The following SLC10A7 variants were observed in gnomAD, a reference collection of about 807,000 sequenced individuals.
SLC10A7 encodes sodium/bile acid cotransporter 7.
A neutral mutation model predicts 43.2 loss-of-function variants in SLC10A7; 29 were observed. The ratio of observed to expected loss-of-function variants is 0.67; its 90% CI spans 0.50 to 0.92. SLC10A7 has a LOEUF of 0.92. Among genes scored for constraint, SLC10A7 ranks in the 40% least tolerant of loss-of-function variants. SLC10A7 has a pLI of 0.00. For synonymous variants in SLC10A7, 152 were observed against 144.8 expected (o/e 1.05, Z -0.35); for missense variants, 295 against 403.2 (o/e 0.73, Z 2.30).
chr4:146,379,490 T>C (rs1737445625), intron 5 of SLC10A7, among the ~76,000 whole-genome samples: 2 of 152,192 alleles, frequency 1.3e-5, no homozygotes, highest in African/African-American at 4.8e-5. Context: ...GTAAGACTAA[T>C]GTATATTCAA....
Position 146,468,834 on chromosome 4 carries a change from A to C in SLC10A7, c.397-26013T>G, listed in dbSNP as rs76522126. 9.2e-4 allele frequency among the ~76,000 whole-genome samples: 140 copies of C among 152,210 alleles called. 4 individuals are homozygous for C. The East Asian group carries it at 0.025, about 27-fold the overall frequency. On this transcript the variant is annotated intron_variant, in intron 4 of 11. Transcript: ENST00000335472. ...TGTGATTTTAAAATAATAACCTGTT[A>C]TGTGGGGGGTACTTCTTTGTTAATA...
intron 5 of SLC10A7, among the ~76,000 whole-genome samples, chr4:146,374,058 G>A (rs954450021): frequency 2.6e-5 from 4 of 152,208 alleles, no homozygotes; most frequent in African/African-American, 9.6e-5. Context: ...GGGCAAACTG[G>A]AGTGCTATTC....
In SLC10A7 at chr4:146,509,915, T is replaced by A; in HGVS notation, c.318A>T (p.Lys106Asn). 3.7e-6 allele frequency: 6 copies of A among 1,612,050 alleles called. No individual in the cohort carries two copies. Among genetic ancestry groups the A allele is most frequent in the Non-Finnish European group, 5.1e-6 (6 of 1,179,384 alleles). The change falls in exon 3 of 12, where the codon AAA becomes AAT. Residue 106 changes from lysine to asparagine, a missense_variant and splice_region_variant. Physicochemically the swap from Lys to Asn is moderately conservative, Grantham distance 94. Coordinates refer to ENST00000335472, the MANE Select transcript of SLC10A7 (RefSeq NM_001029998.6). Reference sequence around the variant, plus strand: ...CACTTTTAAAGATTTAAACATACCCTTTTAAAAGCCATTCGTTGATGGGTG... The same window carrying A: ...CACTTTTAAAGATTTAAACATACCCATTTAAAAGCCATTCGTTGATGGGTG... ...SITPINEWLL[K>N]GLQTVGCMPP...
intron 1 of SLC10A7, among the ~76,000 whole-genome samples, chr4:146,517,464 A>AAAT (rs925100105): frequency 1.4e-3 from 214 of 151,692 alleles, no homozygotes; most frequent in Admixed American, 5.1e-3. Flanking sequence ...CTCTGTCTCA[A>AAAT]AATAATAATA....
chr4:146,502,908 G>C (rs1316553274), intron 4 of SLC10A7, among the ~76,000 whole-genome samples: 1 of 152,156 alleles, frequency 6.6e-6, no homozygotes. Context: ...AGGGACTCAG[G>C]AAACTCTTTG....
Position 146,256,056 on chromosome 4 carries a change from A to G in SLC10A7, c.*435T>C, listed in dbSNP as rs1334721081. ...AGGAAGAGGCATGTCACAGTCGTAG[A>G]AAAAAAGAATCACACAGTAAATCAA... On this transcript the variant is annotated 3_prime_UTR_variant, in exon 12 of 12. Transcript: ENST00000335472. The G allele has an allele frequency of 6.1e-6, 1 of 163,572 alleles. No homozygotes were observed. The highest frequency in any genetic ancestry group is 1.3e-5 in the Non-Finnish European group (1 of 75,778). 10.1% of individuals were successfully genotyped at this position (163,572 alleles called of 1,614,324 possible). A position where few individuals can be genotyped will look rare whatever the true frequency, so the allele number is the denominator to read the frequency against.
intron 10 of SLC10A7, 36 bp downstream of exon 10, chr4:146,283,156 G>A: frequency 6.8e-7 from 1 of 1,479,554 alleles, no homozygotes; most frequent in Non-Finnish European, 9.4e-7. Flanking sequence ...ACTATATGAG[G>A]GTAATAGGTG....
At chr4:146,373,147 C>G (rs2679145) in intron 5 of SLC10A7, among the ~76,000 whole-genome samples, 1,594 of 152,218 alleles carry the variant, frequency 0.01, 22 homozygotes, top group African/African-American at 0.036. Flanking sequence ...AGGCTGATTA[C>G]AAGTACAAAT....
At chr4:146,474,109 C>A (rs1304053569) in intron 4 of SLC10A7, among the ~76,000 whole-genome samples, 1 of 138,690 alleles carries the variant, frequency 7.2e-6, no homozygotes, top group Non-Finnish European at 1.5e-5. Flanking sequence ...ACTAAACAAC[C>A]TGAGGAAAAG....
chr4:146,428,843 T>C (rs1305966315), intron 5 of SLC10A7, among the ~76,000 whole-genome samples: 3 of 152,188 alleles, frequency 2.0e-5, no homozygotes, highest in Non-Finnish European at 4.4e-5. Flanking sequence ...AAATCACTTA[T>C]TACATCCTTT....
Position 146,389,749 on chromosome 4 carries a change from A to G in SLC10A7, c.435+53034T>C, listed in dbSNP as rs141176431. Reference sequence around the variant, plus strand: ...GGGAATGGCTGTTAGATAGATATGAATCTCAGACTTGGAATTAGAAGAACT... The same window carrying G: ...GGGAATGGCTGTTAGATAGATATGAGTCTCAGACTTGGAATTAGAAGAACT... On this transcript the variant is annotated intron_variant, in intron 5 of 11. Coordinates refer to ENST00000335472, the MANE Select transcript of SLC10A7 (RefSeq NM_001029998.6). 1.0e-3 allele frequency among the ~76,000 whole-genome samples: 156 copies of G among 152,314 alleles called. 1 individual carries two copies. The highest frequency in any genetic ancestry group is 3.4e-3 in the African/African-American group (142 of 41,570).
rs1375909346 is a variant in SLC10A7, at chr4:146,255,088, C to T, written c.*1403G>A. 1 of 152,242 alleles carries T rather than the reference C, an allele frequency of 6.6e-6. No homozygotes were observed. Among genetic ancestry groups the T allele is most frequent in the East Asian group, 1.9e-4 (1 of 5,194 alleles). The allele number at this position is 152,242 out of a possible 1,614,324, so 9.4% of individuals were successfully genotyped here. ...AAACAACAAAAACAGCTGCTGAGGA[C>T]ATAGCACGGCCTCAGTGAGACCCAG... is the stretch of plus-strand genomic sequence containing the variant. On this transcript the variant is annotated 3_prime_UTR_variant, in exon 12 of 12. Transcript: ENST00000335472.
rs566508663 is a variant in SLC10A7 at position 146,355,424 on chromosome 4, C to T, written c.436-29428G>A. ...GAGAGGATGTGGAGAAATAGGAACA[C>T]GTTTACACTGTTGGTGGGACTGTAA... On this transcript the variant is annotated intron_variant, in intron 5 of 11. Transcript: ENST00000335472. Among the ~76,000 whole-genome samples, 627 of 152,224 alleles carry T rather than the reference C, an allele frequency of 4.1e-3. 5 individuals are homozygous for T. The highest frequency in any genetic ancestry group is 0.027 in the Middle Eastern group (8 of 294).
At chr4:146,514,925 GC>G (rs1274516112) in intron 2 of SLC10A7, 2 of 550,154 alleles carry the variant, frequency 3.6e-6, no homozygotes, top group African/African-American at 3.8e-5. Context: ...TTTGAAAAGG[GC>G]TTTTGATGGA....
At chr4:146,338,743 A>G (rs577622925) in intron 5 of SLC10A7, among the ~76,000 whole-genome samples, 53 of 152,110 alleles carry the variant, frequency 3.5e-4, no homozygotes, top group African/African-American at 1.3e-3. Flanking sequence ...CCACTTGAGT[A>G]GAACAAAGCT....
At position 146,292,849 on chromosome 4, in the gene SLC10A7, T is replaced by C. The variant is rs938475736; in HGVS notation, c.773+80A>G. ...GTAAAAGGAGAAAAAAATATAAACG[T>C]GTATAGTGGCATAGTAGCCAAGTAG... is the stretch of plus-strand genomic sequence containing the variant. On this transcript the variant is annotated intron_variant, in intron 9 of 11. Coordinates refer to ENST00000335472, the MANE Select transcript of SLC10A7 (RefSeq NM_001029998.6). The C allele has an allele frequency of 5.1e-6, 5 of 971,204 alleles. No individual in the cohort carries two copies. The African/African-American group carries it at 8.4e-5, about 16-fold the overall frequency. The allele number at this position is 971,204 out of a possible 1,614,324, so 60.2% of individuals were successfully genotyped here. A position where few individuals can be genotyped will look rare whatever the true frequency, so the allele number is the denominator to read the frequency against.
At chr4:146,380,351 T>TA (rs1197097807) in intron 5 of SLC10A7, among the ~76,000 whole-genome samples, 3 of 152,164 alleles carry the variant, frequency 2.0e-5, no homozygotes, top group African/African-American at 7.2e-5. Context: ...AGGCTTGTGA[T>TA]ATTATATTAA....
chr4:146,269,555 T>A (rs1264061213), intron 10 of SLC10A7, among the ~76,000 whole-genome samples: 1 of 152,168 alleles, frequency 6.6e-6, no homozygotes, highest in Non-Finnish European at 1.5e-5. Flanking sequence ...AAAAATAGAA[T>A]GAGAATTTCA....
intron 5 of SLC10A7, among the ~76,000 whole-genome samples, chr4:146,378,158 C>T (rs1255605785): frequency 6.6e-6 from 1 of 152,174 alleles, no homozygotes; most frequent in African/African-American, 2.4e-5. Context: ...GTGATGACAA[C>T]AAAGACCAGA....
Sources: allele counts gnomAD v4.1 joint callset (sites outside exome capture counted in the v4.1 genomes callset), GRCh38; gene constraint gnomAD v4.1.1; transcripts MANE v1.5; gene names NCBI Gene and HGNC (gene_info 2026-07-23, HGNC 2026-07-21).